Variants in MSRA observed in about 807,000 individuals in gnomAD.
MSRA encodes the protein methionine sulfoxide reductase A.
A neutral mutation model predicts 31.3 loss-of-function variants in MSRA; 54 were observed. The observed-to-expected ratio is 1.73, with a 90% CI of 1.39 to 2.17. The LOEUF is 2.17. MSRA is among the 30% of genes most tolerant of loss of function. The pLI is 0.00. For missense variants in MSRA, 507 were observed against 300.9 expected (o/e 1.69, Z -5.07); for synonymous variants, 169 against 116.5 (o/e 1.45, Z -2.90).
intron 5 of MSRA, among the ~76,000 whole-genome samples, chr8:10,384,932 G>T (rs1304770230): frequency 6.6e-6 from 1 of 152,106 alleles, no homozygotes; most frequent in South Asian, 2.1e-4. Context: ...AGCCGAGGAG[G>T]TTGAGGCTAC....
intron 3 of MSRA, among the ~76,000 whole-genome samples, chr8:10,260,684 G>T (rs962266778): frequency 6.6e-6 from 1 of 152,168 alleles, no homozygotes; most frequent in Non-Finnish European, 1.5e-5. Context: ...ATGAACAGCA[G>T]TTTGCATTGG....
intron 1 of MSRA, among the ~76,000 whole-genome samples, chr8:10,086,785 A>G (rs935849830): frequency 8.6e-5 from 13 of 151,254 alleles, no homozygotes; most frequent in Non-Finnish European, 1.6e-4. Context: ...ATGACTATGT[A>G]TATACTAGTG....
intron 1 of MSRA, among the ~76,000 whole-genome samples, chr8:10,156,694 A>G (rs1287938025): frequency 6.6e-6 from 1 of 152,048 alleles, no homozygotes; most frequent in East Asian, 1.9e-4. Context: ...CACTGCCCCT[A>G]CCAGAGAAAT....
At chr8:10,363,405 C>A (rs942500326) in intron 5 of MSRA, among the ~76,000 whole-genome samples, 1 of 152,098 alleles carries the variant, frequency 6.6e-6, no homozygotes, top group East Asian at 1.9e-4. Flanking sequence ...TGGGTGGGGA[C>A]CTCCCGTCCA....
intron 3 of MSRA, among the ~76,000 whole-genome samples, chr8:10,280,782 C>T (rs954912395): frequency 2.0e-5 from 3 of 152,172 alleles, no homozygotes; most frequent in African/African-American, 7.2e-5. Context: ...AACCCAAACG[C>T]GCATCAGCGT....
intron 1 of MSRA, among the ~76,000 whole-genome samples, chr8:10,202,021 C>T (rs1431124215): frequency 1.3e-5 from 2 of 152,226 alleles, no homozygotes; most frequent in African/African-American, 4.8e-5. Context: ...CTTGTGTCTC[C>T]ATTTGACACT....
intron 4 of MSRA, among the ~76,000 whole-genome samples, chr8:10,318,348 G>C (rs967883992): frequency 6.6e-6 from 1 of 152,144 alleles, no homozygotes; most frequent in African/African-American, 2.4e-5. Context: ...CTCGCACAGG[G>C]AAGTACAGTG....
chr8:10,328,833 G>T (rs948079881), intron 5 of MSRA, among the ~76,000 whole-genome samples: 1 of 152,202 alleles, frequency 6.6e-6, no homozygotes, highest in African/African-American at 2.4e-5. Flanking sequence ...TCTTACTGTT[G>T]TGCAGTGAAC....
chr8:10,178,311 C>T (rs552159971), intron 1 of MSRA, among the ~76,000 whole-genome samples: 50 of 151,928 alleles, frequency 3.3e-4, no homozygotes, highest in Non-Finnish European at 6.3e-4. Flanking sequence ...CATTCCAGGC[C>T]GGACACGGTG....
intron 1 of MSRA, among the ~76,000 whole-genome samples, chr8:10,188,497 A>G (rs1358247427): frequency 6.6e-6 from 1 of 152,232 alleles, no homozygotes; most frequent in African/African-American, 2.4e-5. Context: ...TTTCGAGTGA[A>G]TGAAAGAAAA....
At chr8:10,250,980 C>G (rs1797886919) in intron 3 of MSRA, 1 of 152,672 alleles carries the variant, frequency 6.5e-6, no homozygotes, top group African/African-American at 2.4e-5. Flanking sequence ...TAAAGATGAA[C>G]ATGATGGATC....
chr8:10,168,479 A>T (rs1167278580), intron 1 of MSRA, among the ~76,000 whole-genome samples: 1 of 152,170 alleles, frequency 6.6e-6, no homozygotes, highest in Admixed American at 6.5e-5. Context: ...ATTTTTAATA[A>T]AATTTTAGTG....
At chr8:10,067,521 A>T (rs1797517887) in intron 1 of MSRA, among the ~76,000 whole-genome samples, 2 of 152,330 alleles carry the variant, frequency 1.3e-5, no homozygotes, top group South Asian at 4.1e-4. Flanking sequence ...GTGTGGTCAT[A>T]AGTTTTCAAC....
At chr8:10,420,157 A>C (rs1369578590) in intron 5 of MSRA, among the ~76,000 whole-genome samples, 1 of 152,238 alleles carries the variant, frequency 6.6e-6, no homozygotes, top group African/African-American at 2.4e-5. Flanking sequence ...GCTTGAAGAC[A>C]TTAAGTGAAA....
intron 5 of MSRA, among the ~76,000 whole-genome samples, chr8:10,416,258 C>A (rs147977825): frequency 6.6e-6 from 1 of 152,326 alleles, no homozygotes; most frequent in Non-Finnish European, 1.5e-5. Flanking sequence ...TGCGCAATAA[C>A]AATTGTCGAG....
At position 10,270,224 on chromosome 8, in the gene MSRA, G is replaced by A. The variant is rs914164678; in HGVS notation, c.331+25001G>A. ...TCTTTGAAAGTTTTACTTATATACC[G>A]GATTCTGTTACAAATAATAAAATAA... On this transcript the variant is annotated intron_variant, in intron 3 of 5. Coordinates refer to ENST00000317173, the MANE Select transcript of MSRA (RefSeq NM_012331.5). 1.2e-4 allele frequency among the ~76,000 whole-genome samples: 18 copies of A among 151,980 alleles called. 1 individual carries two copies. The highest frequency in any genetic ancestry group is 2.9e-5 in the Non-Finnish European group (2 of 68,000).
intron 3 of MSRA, among the ~76,000 whole-genome samples, chr8:10,292,222 T>A (rs1278720170): frequency 6.6e-6 from 1 of 152,096 alleles, no homozygotes; most frequent in Non-Finnish European, 1.5e-5. Context: ...CATTGGCAGG[T>A]GAATGGAGCT....
chr8:10,064,243 C>G (rs190633523), intron 1 of MSRA, among the ~76,000 whole-genome samples: 22 of 152,308 alleles, frequency 1.4e-4, no homozygotes, highest in African/African-American at 5.1e-4. Flanking sequence ...GACTTTGACT[C>G]ATGATGCCAA....
At chr8:10,274,034 C>T (rs1299221918) in intron 3 of MSRA, among the ~76,000 whole-genome samples, 1 of 152,134 alleles carries the variant, frequency 6.6e-6, no homozygotes, top group African/African-American at 2.4e-5. Flanking sequence ...GGAGAAGCCC[C>T]TTCTTCCTCA....
Sources: gnomAD v4.1 joint callset for allele counts (sites outside exome capture counted in the v4.1 genomes callset) on GRCh38, gnomAD v4.1.1 for gene constraint, MANE v1.5 for transcripts, NCBI Gene and HGNC (gene_info 2026-07-23, HGNC 2026-07-21) for gene names.